The following CCSER1 variants were observed in gnomAD, a reference collection of about 807,000 sequenced individuals.
The protein encoded by CCSER1 is serine-rich coiled-coil domain-containing protein 1.
Under a neutral mutation model 82.0 loss-of-function variants are expected in CCSER1, and 41 were observed. The observed-to-expected ratio is 0.50, with a 90% confidence interval of 0.39 to 0.65. The LOEUF (loss-of-function observed/expected upper bound fraction) is 0.65. Among genes scored for constraint, CCSER1 ranks in the 30% least tolerant of loss-of-function variants. The pLI is 0.00. For missense variants in CCSER1, 1,119 were observed against 1,064.2 expected (o/e 1.05, Z -0.72); for synonymous variants, 414 against 383.9 (o/e 1.08, Z -0.92).
At chr4:91,062,990 C>T (rs1744084360) in intron 9 of CCSER1, among the ~76,000 whole-genome samples, 1 of 152,002 alleles carries the variant, frequency 6.6e-6, no homozygotes, top group African/African-American at 2.4e-5. Context: ...CAGTTTAGTA[C>T]TCTATTAGAC....
At chr4:91,156,513 A>AAGAATTAAATTATT (rs1250158100) in intron 10 of CCSER1, among the ~76,000 whole-genome samples, 4 of 151,666 alleles carry the variant, frequency 2.6e-5, no homozygotes, top group Admixed American at 1.3e-4. Context: ...GGGTCATCAA[A>AAGAATTAAATTATT]AGAATTAAAT....
At chr4:90,630,535 C>G (rs1265209666) in intron 6 of CCSER1, among the ~76,000 whole-genome samples, 1 of 152,022 alleles carries the variant, frequency 6.6e-6, no homozygotes, top group Non-Finnish European at 1.5e-5. Context: ...TTTTTTAAAG[C>G]TGATGTAGAG....
At chr4:90,494,398 C>T (rs537591003) in intron 5 of CCSER1, among the ~76,000 whole-genome samples, 177 of 152,284 alleles carry the variant, frequency 1.2e-3, no homozygotes, top group Non-Finnish European at 1.8e-3. Context: ...TTGAAGTCAG[C>T]TCTGCACCAA....
intron 3 of CCSER1, among the ~76,000 whole-genome samples, chr4:90,320,743 T>A (rs1268058613): frequency 6.6e-6 from 1 of 152,270 alleles, no homozygotes; most frequent in Admixed American, 6.5e-5. Context: ...TTCATTTTTG[T>A]CTTTCTGAAC....
At chr4:90,504,322 T>C (rs112916741) in intron 5 of CCSER1, among the ~76,000 whole-genome samples, 1,696 of 152,324 alleles carry the variant, frequency 0.011, 21 homozygotes, top group Middle Eastern at 0.024. Flanking sequence ...ACACAATATA[T>C]AACATAATGA....
chr4:90,383,812 A>G (rs1489524738), intron 3 of CCSER1, among the ~76,000 whole-genome samples: 2 of 151,932 alleles, frequency 1.3e-5, no homozygotes, highest in African/African-American at 2.4e-5. Context: ...GGTCTTTGTA[A>G]CTGTAAAGTT....
chr4:90,473,371 T>C (rs559257548), intron 5 of CCSER1, among the ~76,000 whole-genome samples: 56 of 152,308 alleles, frequency 3.7e-4, no homozygotes, highest in African/African-American at 1.3e-3. Flanking sequence ...CACATTTTTA[T>C]ATTATTTTAT....
chr4:90,497,639 C>G (rs537402607), intron 5 of CCSER1, among the ~76,000 whole-genome samples: 34 of 152,068 alleles, frequency 2.2e-4, no homozygotes, highest in Non-Finnish European at 4.1e-4. Context: ...GTGATAATAA[C>G]CTAGAAATTG....
chr4:90,482,591 C>T (rs1766223154), intron 5 of CCSER1, among the ~76,000 whole-genome samples: 1 of 152,156 alleles, frequency 6.6e-6, no homozygotes, highest in African/African-American at 2.4e-5. Flanking sequence ...TTGTTGGTTT[C>T]AAAGAACATC....
intron 10 of CCSER1, among the ~76,000 whole-genome samples, chr4:91,595,962 A>G (rs1270406174): frequency 6.6e-6 from 1 of 151,232 alleles, no homozygotes; most frequent in Non-Finnish European, 1.5e-5. Flanking sequence ...AAAAAAAAAA[A>G]AAAAACCAAG....
intron 10 of CCSER1, among the ~76,000 whole-genome samples, chr4:91,312,362 T>C (rs1278518996): frequency 6.6e-6 from 1 of 151,756 alleles, no homozygotes; most frequent in Non-Finnish European, 1.5e-5. Flanking sequence ...ATGAGACATG[T>C]ATTAATTTTG....
At chr4:91,491,549 G>C (rs1188658699) in intron 10 of CCSER1, among the ~76,000 whole-genome samples, 2 of 151,982 alleles carry the variant, frequency 1.3e-5, no homozygotes, top group Admixed American at 6.6e-5. Flanking sequence ...CAAGATATTG[G>C]TTGGCCACAG....
Position 90,933,032 on chromosome 4 carries a change from GA to G in CCSER1, c.2172+9588del, listed in dbSNP as rs1259913752. 6.2e-5 allele frequency among the ~76,000 whole-genome samples: 6 copies of G among 96,392 alleles called. 2 individuals are homozygous for G. Among genetic ancestry groups the G allele is most frequent in the Non-Finnish European group, 1.2e-4 (6 of 49,904 alleles). The allele number at this position is 96,392 out of a possible 152,430, so 63.2% of individuals were successfully genotyped here. A position where few individuals can be genotyped will look rare whatever the true frequency, so the allele number is the denominator to read the frequency against. Reference sequence around the variant, plus strand: ...AGAAAGAAAGAAAGAAAGAAAGAAAGAAAGAAAGAAAGAGAAGGAAGGAACG... The same window carrying G: ...AGAAAGAAAGAAAGAAAGAAAGAAAGAAGAAAGAAAGAGAAGGAAGGAACG... On this transcript the variant is annotated intron_variant, in intron 9 of 10. Transcript: ENST00000509176.
chr4:91,147,351 G>A (rs756165080), intron 10 of CCSER1, among the ~76,000 whole-genome samples: 7 of 152,172 alleles, frequency 4.6e-5, no homozygotes, highest in Non-Finnish European at 1.0e-4. Context: ...AGCCAGCTAC[G>A]TTTTTCCACA....
At chr4:90,635,290 G>A (rs965149096) in intron 6 of CCSER1, among the ~76,000 whole-genome samples, 3 of 151,302 alleles carry the variant, frequency 2.0e-5, no homozygotes, top group Non-Finnish European at 3.0e-5. Flanking sequence ...GTGGAACATC[G>A]TCAAGACACA....
chr4:91,286,912 A>G (rs978078395), intron 10 of CCSER1, among the ~76,000 whole-genome samples: 2 of 151,892 alleles, frequency 1.3e-5, no homozygotes, highest in Non-Finnish European at 2.9e-5. Context: ...TATGAATGAA[A>G]GGAGCACCAA....
intron 4 of CCSER1, among the ~76,000 whole-genome samples, chr4:90,443,942 T>A (rs1469892316): frequency 3.3e-5 from 5 of 152,082 alleles, no homozygotes; most frequent in African/African-American, 1.2e-4. Flanking sequence ...TTGGGAAGAT[T>A]AAACTTCATT....
chr4:90,420,947 CA>C (rs1756590858), intron 4 of CCSER1, among the ~76,000 whole-genome samples: 1 of 152,056 alleles, frequency 6.6e-6, no homozygotes, highest in Non-Finnish European at 1.5e-5. Flanking sequence ...TATGTGGTGA[CA>C]TCTCCATACA....
chr4:91,457,857 T>G (rs1398815842), intron 10 of CCSER1, among the ~76,000 whole-genome samples: 5 of 152,176 alleles, frequency 3.3e-5, no homozygotes, highest in Non-Finnish European at 7.3e-5. Flanking sequence ...ACACATTAAT[T>G]CATAAGTTCT....
Sources: gnomAD v4.1 joint callset for allele counts (sites outside exome capture counted in the v4.1 genomes callset) on GRCh38, gnomAD v4.1.1 for gene constraint, MANE v1.5 for transcripts, NCBI Gene and HGNC (gene_info 2026-07-23, HGNC 2026-07-21) for gene names.